Variants in CARS2 observed in about 807,000 individuals in gnomAD.
CARS2 encodes the protein probable cysteine--tRNA ligase, mitochondrial.
CARS2 carries 52 observed loss-of-function variants against 68.8 expected under a neutral mutation model. The observed-to-expected ratio is 0.76, with a 90% CI of 0.61 to 0.95. The LOEUF (loss-of-function observed/expected upper bound fraction) is 0.95, where lower values mean the gene tolerates loss of function less well. Among genes scored for constraint, CARS2 ranks in the 40% least tolerant of loss-of-function variants. The probability of loss-of-function intolerance (pLI) is 0.00; values close to 1 mark genes in which losing one functional copy is unlikely to be tolerated. For missense variants in CARS2, 780 were observed against 754.2 expected (o/e 1.03, Z -0.40); for synonymous variants, 314 against 303.6 (o/e 1.03, Z -0.36).
At chr13:110,646,204 C>A in intron 11 of CARS2, 114 bp from the exon 12 acceptor site, 5 of 1,248,710 alleles carry the variant, frequency 4.0e-6, no homozygotes, top group Non-Finnish European at 5.4e-6. Context: ...TGGGGACTTT[C>A]TCTAGGTCAT....
At chr13:110,646,149 C>G in intron 11 of CARS2, 59 bp from the exon 12 acceptor site, 1 of 1,558,740 alleles carries the variant, frequency 6.4e-7, no homozygotes, top group African/African-American at 1.4e-5. Context: ...CCAGGCGGCC[C>G]CCACACCAGT....
chr13:110,675,801 C>T (rs768553790), intron 7 of CARS2, among the ~76,000 whole-genome samples: 15 of 152,196 alleles, frequency 9.9e-5, no homozygotes, highest in South Asian at 2.1e-4. Flanking sequence ...AGTCTAAACG[C>T]GCGGCTGGGT....
Position 110,668,334 on chromosome 13 carries a change from G to A in CARS2, c.786-861C>T, listed in dbSNP as rs1467551065. On this transcript the variant is annotated intron_variant, in intron 7 of 14. Coordinates refer to ENST00000257347, the MANE Select transcript of CARS2 (RefSeq NM_024537.4). The surrounding 1 kb of genome is among the most constrained non-coding windows in gnomAD (Gnocchi z 4.1). ...TGAGGCAGGCGGATCACAAGGTCAG[G>A]AGATCGAGACCATCCTGGCTAACAT... Among the ~76,000 whole-genome samples, 1 of 152,184 alleles carries A rather than the reference G, an allele frequency of 6.6e-6. No individual in the cohort carries two copies. Among genetic ancestry groups the A allele is most frequent in the Admixed American group, 6.5e-5 (1 of 15,280 alleles).
intron 7 of CARS2, among the ~76,000 whole-genome samples, chr13:110,671,081 C>T (rs182310309): frequency 1.3e-4 from 20 of 152,036 alleles, no homozygotes; most frequent in African/African-American, 4.6e-4. Context: ...ACCAAATCTG[C>T]GTCTGATTGG....
intron 1 of CARS2, chr13:110,712,834 A>G (rs2064048104): frequency 1.0e-6 from 1 of 975,596 alleles, no homozygotes; most frequent in Non-Finnish European, 1.6e-6. Context: ...CGGCACTAGG[A>G]AGCAGCTTCC....
chr13:110,642,061 C>G (rs777424684), intron 14 of CARS2, among the ~76,000 whole-genome samples: 1 of 151,340 alleles, frequency 6.6e-6, no homozygotes, highest in Non-Finnish European at 1.5e-5. Context: ...ATCAGCCGAG[C>G]ATGGGAGTGC....
At chr13:110,707,156 T>C (rs753477973), upstream of CARS2, among the ~76,000 whole-genome samples, 3 of 149,204 alleles carry the variant, frequency 2.0e-5, no homozygotes, top group Non-Finnish European at 4.4e-5. Flanking sequence ...ACTGTCTGCA[T>C]TCCAATGCAA....
intron 12 of CARS2, chr13:110,645,117 C>G (rs759516154): frequency 6.5e-5 from 10 of 152,882 alleles, no homozygotes; most frequent in African/African-American, 1.9e-4. Flanking sequence ...TGCCCCAGCC[C>G]GGCCTGGCTG....
chr13:110,650,832 C>A, intron 10 of CARS2: 1 of 523,740 alleles, frequency 1.9e-6, no homozygotes, highest in Non-Finnish European at 3.4e-6. Flanking sequence ...AGGAAGCCCA[C>A]ATCCACTGTG....
At chr13:110,649,579 C>T (rs146774438) in intron 10 of CARS2, among the ~76,000 whole-genome samples, 103 of 152,318 alleles carry the variant, frequency 6.8e-4, no homozygotes, top group African/African-American at 2.1e-3. Context: ...AACTATGTTT[C>T]GGCTGCATGT....
intron 13 of CARS2, 73 bp from the exon 14 acceptor site, chr13:110,642,594 T>C (rs769106048): frequency 4.9e-6 from 7 of 1,442,394 alleles, no homozygotes; most frequent in Admixed American, 1.7e-5. Flanking sequence ...ACCCCGTGGT[T>C]GGGCTCTGGG....
chr13:110,713,302 C>T (rs1321710989), exon 1 of CARS2: 4 of 1,224,022 alleles, frequency 3.3e-6, no homozygotes, highest in African/African-American at 1.5e-5. Flanking sequence ...TTGCTGTGTA[C>T]CATGGTCTCG....
chr13:110,663,631 A>C (rs1441848604), intron 8 of CARS2, 113 bp from the exon 9 acceptor site: 1 of 1,496,068 alleles, frequency 6.7e-7, no homozygotes, highest in Non-Finnish European at 8.9e-7. Context: ...CAATGTATAG[A>C]CCAGTGTATG....
chr13:110,697,985 A>G, intron 3 of CARS2: 2 of 455,914 alleles, frequency 4.4e-6, no homozygotes, highest in Non-Finnish European at 8.8e-6. Context: ...ACAAGAGAAG[A>G]GCTCTGTTCA....
At position 110,653,484 on chromosome 13, in the gene CARS2, G is replaced by A. The variant is rs2062277844; in HGVS notation, c.988-2384C>T. 6.6e-6 allele frequency among the ~76,000 whole-genome samples: 1 copy of A among 152,112 alleles called. No homozygotes were observed. The highest frequency in any genetic ancestry group is 2.4e-5 in the African/African-American group (1 of 41,406). ...GCCCTATTTAGGTCTCCGGGTTTCG[G>A]TGTGGAAACACCACTCCACAAGCAG... On this transcript the variant is annotated intron_variant, in intron 9 of 14. Coordinates refer to ENST00000257347, the MANE Select transcript of CARS2 (RefSeq NM_024537.4). This position sits in a 1 kb window ranked among gnomAD's most constrained non-coding sequence, Gnocchi z 5.6.
chr13:110,662,909 AAGG>A (rs1161134271), intron 9 of CARS2: 6 of 426,508 alleles, frequency 1.4e-5, no homozygotes, highest in Admixed American at 2.6e-5. Context: ...CCAGAAGACA[AAGG>A]AGGAGTTCAA....
In CARS2 at chr13:110,705,722, C is replaced by G; in HGVS notation, c.224+148G>C. On this transcript the variant is annotated intron_variant, in intron 1 of 14. Coordinates refer to ENST00000257347, the MANE Select transcript of CARS2 (RefSeq NM_024537.4). The surrounding 1 kb of genome is among the most constrained non-coding windows in gnomAD (Gnocchi z 4.0). The stretch of plus-strand genomic sequence containing the variant: ...ATACTTGCTCAATTCACACCCAAAC[C>G]TGCAAAAGCACCGCGCACCCCCAGC... 6.5e-7 allele frequency: 1 copy of G among 1,533,876 alleles called. No homozygotes were observed. Among genetic ancestry groups the G allele is most frequent in the Non-Finnish European group, 8.8e-7 (1 of 1,138,550 alleles).
chr13:110,644,551 A>G (rs1298156678), intron 12 of CARS2, 68 bp from the exon 13 acceptor site: 2 of 1,596,804 alleles, frequency 1.3e-6, no homozygotes, highest in African/African-American at 1.3e-5. Context: ...ACGGAATTCA[A>G]TGTCAAAAGA....
intron 8 of CARS2, 91 bp from the exon 9 acceptor site, chr13:110,663,609 C>A (rs924685211): frequency 6.4e-6 from 10 of 1,555,630 alleles, no homozygotes; most frequent in African/African-American, 1.4e-5. Context: ...CGAATGGGAA[C>A]CTGCACATAT....
Sources: gnomAD v4.1 joint callset for allele counts (sites outside exome capture counted in the v4.1 genomes callset) on GRCh38, gnomAD v4.1.1 for gene constraint, Gnocchi (gnomAD v3.1) non-coding constraint, MANE v1.5 for transcripts, NCBI Gene and HGNC (gene_info 2026-07-23, HGNC 2026-07-21) for gene names.